The following ABHD17B variants were observed in gnomAD, a reference collection of about 807,000 sequenced individuals.
The protein encoded by ABHD17B is alpha/beta hydrolase domain-containing protein 17B.
In ABHD17B, 9 loss-of-function variants were observed where a neutral mutation model predicts 26.2. The ratio of observed to expected loss-of-function variants is 0.34; its 90% confidence interval spans 0.21 to 0.60. ABHD17B has a LOEUF of 0.60. Ranked by LOEUF, ABHD17B falls within the 20% of genes least tolerant of loss-of-function variation. The pLI is 0.80. For synonymous variants in ABHD17B, 127 were observed against 122.3 expected, an observed-to-expected ratio of 1.04 and a Z score of -0.25; for missense variants, 224 against 352.1, an observed-to-expected ratio of 0.64 and a Z score of 2.91.
intron 1 of ABHD17B, among the ~76,000 whole-genome samples, chr9:71,896,934 T>C (rs898608088): frequency 1.3e-5 from 2 of 152,322 alleles, no homozygotes; most frequent in Admixed American, 1.3e-4. Context: ...GGGCTGATTA[T>C]ATACAAAACC....
At chr9:71,890,749 A>G (rs1021762983) in intron 1 of ABHD17B, among the ~76,000 whole-genome samples, 2 of 152,216 alleles carry the variant, frequency 1.3e-5, no homozygotes, top group African/African-American at 4.8e-5. Flanking sequence ...GACTTTCAGA[A>G]GAGGCTTTAA....
In ABHD17B at chr9:71,878,767, A is replaced by AAG. The variant is rs756590962; in HGVS notation, c.-3-3686_-3-3685dup. 5.7e-4 allele frequency among the ~76,000 whole-genome samples: 87 copies of AAG among 152,184 alleles called. 2 individuals carry two copies. In the East Asian group the frequency reaches 0.01, roughly 18 times the overall value. On this transcript the variant is annotated intron_variant, in intron 1 of 3. Transcript: ENST00000333421. ...AACATTGTCTCTATCAAAAAAAACA[A>AAG]AGAGAGAGAGAGATCTGCAGGCCCA...
chr9:71,871,638 CAATT>C (rs374738191), intron 2 of ABHD17B, among the ~76,000 whole-genome samples: 9 of 152,158 alleles, frequency 5.9e-5, no homozygotes, highest in African/African-American at 2.2e-4. Flanking sequence ...AGGTAGCTGA[CAATT>C]AAGCATGAGG....
downstream of ABHD17B, among the ~76,000 whole-genome samples, chr9:71,864,718 C>G (rs1251467585): frequency 6.6e-6 from 1 of 152,162 alleles, no homozygotes; most frequent in Non-Finnish European, 1.5e-5. Context: ...GTACCTTTTA[C>G]CTGTTACAAT....
At chr9:71,894,414 G>A (rs917202762) in intron 1 of ABHD17B, among the ~76,000 whole-genome samples, 1 of 152,036 alleles carries the variant, frequency 6.6e-6, no homozygotes, top group African/African-American at 2.4e-5. Context: ...GGCACCATTT[G>A]GGCTCACTGC....
chr9:71,895,597 T>C (rs776024189), intron 1 of ABHD17B, among the ~76,000 whole-genome samples: 4 of 152,236 alleles, frequency 2.6e-5, no homozygotes, highest in Non-Finnish European at 5.9e-5. Context: ...AGTCTGCAAT[T>C]TGAAGAATGC....
In ABHD17B at chr9:71,899,535, G is replaced by A. The variant is rs182114591; in HGVS notation, c.-4+11099C>T. ...ATACCCTTTTAGGCAGGGATCCCAC[G>A]GACCCTGTTATTAGATGAATTAAAT... On this transcript the variant is annotated intron_variant, in intron 1 of 3. Transcript: ENST00000333421. Among the ~76,000 whole-genome samples, 265 of 152,234 alleles carry A rather than the reference G, an allele frequency of 1.7e-3. 2 individuals are homozygous for A. Among genetic ancestry groups the A allele is most frequent in the African/African-American group, 6.0e-3 (251 of 41,540 alleles).
chr9:71,902,964 A>C (rs1827186557), intron 1 of ABHD17B, among the ~76,000 whole-genome samples: 1 of 152,112 alleles, frequency 6.6e-6, no homozygotes, highest in Non-Finnish European at 1.5e-5. Context: ...GTTTCTTGTG[A>C]TTGGAATGGA....
intron 1 of ABHD17B, among the ~76,000 whole-genome samples, chr9:71,880,056 T>C (rs1341645203): frequency 2.0e-5 from 3 of 152,052 alleles, no homozygotes; most frequent in Non-Finnish European, 4.4e-5. Context: ...TTTCTAGAAA[T>C]GAAAGAATAT....
Position 71,874,580 on chromosome 9 carries a change from C to T in ABHD17B, c.467+34G>A, listed in dbSNP as rs112233044. ...ACAAGATATTTTTAGCTAACCACCA[C>T]GAGTATGAAAAATAAATTCCAACCA... On this transcript the variant is annotated intron_variant, in intron 2 of 3. Coordinates refer to ENST00000333421, the MANE Select transcript of ABHD17B (RefSeq NM_001025780.3). 1,153 of 1,503,194 alleles carry T rather than the reference C, an allele frequency of 7.7e-4. 12 individuals are homozygous for T. The African/African-American group carries it at 0.013, about 18-fold the overall frequency. The allele number at this position is 1,503,194 out of a possible 1,614,324, so 93.1% of individuals were successfully genotyped here.
At chr9:71,885,166 C>T (rs951820746) in intron 1 of ABHD17B, among the ~76,000 whole-genome samples, 10 of 151,844 alleles carry the variant, frequency 6.6e-5, no homozygotes, top group East Asian at 1.9e-4. Flanking sequence ...AAGGTCAGGC[C>T]GGGAACGGTG....
At chr9:71,899,572 A>G (rs991818295) in intron 1 of ABHD17B, among the ~76,000 whole-genome samples, 1 of 152,228 alleles carries the variant, frequency 6.6e-6, no homozygotes, top group African/African-American at 2.4e-5. Context: ...TATCTTTGAC[A>G]ACATTACTTG....
At chr9:71,892,844 G>A (rs187888478) in intron 1 of ABHD17B, among the ~76,000 whole-genome samples, 200 of 152,010 alleles carry the variant, frequency 1.3e-3, no homozygotes, top group Non-Finnish European at 2.1e-3. Flanking sequence ...ACAGTTCCAT[G>A]GCATTAAATA....
Position 71,874,859 on chromosome 9 carries a change from A to C in ABHD17B, c.222T>G (p.Ser74Arg). Reference protein sequence around the residue: ...DAIECFMTRTSKGNRIACMFV... With the variant: ...DAIECFMTRTRKGNRIACMFV... ...ACATACAAGCAATTCTGTTGCCTTT[A>C]CTGGTTCTAGTCATGAAACACTCAA... Residue 74 changes from serine to arginine, a missense_variant, in exon 2 of 4, where the codon AGT becomes AGG. Physicochemically the swap from Ser to Arg is moderately radical, Grantham distance 110 (BLOSUM62 -1). Coordinates refer to ENST00000333421, the MANE Select transcript of ABHD17B (RefSeq NM_001025780.3). 6.2e-7 allele frequency: 1 copy of C among 1,614,192 alleles called. No homozygotes were observed.
At position 71,866,247 on chromosome 9, in the gene ABHD17B, A is replaced by G. The variant is rs767616048; in HGVS notation, c.*540T>C. On this transcript the variant is annotated 3_prime_UTR_variant, in exon 4 of 4. Transcript: ENST00000333421. ...GTAATCAGAGTATACAGAAAATTCA[A>G]TGTATTTTACAATAAAATAACTTTA... The G allele has an allele frequency of 8.9e-5, 87 of 982,920 alleles. No individual in the cohort carries two copies. In the Admixed American group the frequency reaches 9.8e-4, roughly 11 times the overall value. 60.9% of individuals were successfully genotyped at this position (982,920 alleles called of 1,614,324 possible).
At chr9:71,910,268 A>G (rs1435983628) in intron 1 of ABHD17B, among the ~76,000 whole-genome samples, 1 of 152,132 alleles carries the variant, frequency 6.6e-6, no homozygotes, top group African/African-American at 2.4e-5. Context: ...CACTGAGAGA[A>G]AAGCAAAGGA....
chr9:71,869,143 C>T (rs1329370853), intron 3 of ABHD17B, among the ~76,000 whole-genome samples: 2 of 152,108 alleles, frequency 1.3e-5, no homozygotes, highest in East Asian at 3.8e-4. Flanking sequence ...AGTATAATGC[C>T]TATACCCACA....
chr9:71,903,751 A>T (rs896300647), intron 1 of ABHD17B, among the ~76,000 whole-genome samples: 1 of 152,244 alleles, frequency 6.6e-6, no homozygotes, highest in African/African-American at 2.4e-5. Context: ...AATGTTTTAG[A>T]ATGAGTGAGA....
intron 2 of ABHD17B, among the ~76,000 whole-genome samples, chr9:71,872,911 G>C (rs1324543012): frequency 6.6e-6 from 1 of 151,268 alleles, no homozygotes; most frequent in African/African-American, 2.4e-5. Flanking sequence ...TATAATTTCA[G>C]TTGATTTTAA....
Sources: allele counts gnomAD v4.1 joint callset (sites outside exome capture counted in the v4.1 genomes callset), GRCh38; gene constraint gnomAD v4.1.1; transcripts MANE v1.5; gene names NCBI Gene and HGNC (gene_info 2026-07-23, HGNC 2026-07-21).